Variants in SYN3 observed in about 807,000 individuals in gnomAD.
SYN3 encodes the protein synapsin-3.
A neutral mutation model predicts 65.8 loss-of-function variants in SYN3; 35 were observed. That is an observed-to-expected ratio of 0.53 (90% CI 0.41 to 0.70). The LOEUF (loss-of-function observed/expected upper bound fraction) is 0.70, where lower values mean the gene tolerates loss of function less well. Among genes scored for constraint, SYN3 ranks in the 30% least tolerant of loss-of-function variants. The probability of loss-of-function intolerance (pLI) is 0.00; values close to 1 mark genes in which losing one functional copy is unlikely to be tolerated. For missense variants in SYN3, 680 were observed against 749.0 expected (o/e 0.91, Z 1.08); for synonymous variants, 270 against 292.9 (o/e 0.92, Z 0.80).
intron 4 of SYN3, among the ~76,000 whole-genome samples, chr22:32,912,181 T>C (rs929884796): frequency 1.3e-5 from 2 of 152,200 alleles, no homozygotes; most frequent in African/African-American, 4.8e-5. Flanking sequence ...AGACTGATAG[T>C]TGCCCGCAGA....
chr22:32,816,997 C>T (rs761541266), intron 6 of SYN3, among the ~76,000 whole-genome samples: 1 of 151,498 alleles, frequency 6.6e-6, no homozygotes, highest in South Asian at 2.1e-4. Flanking sequence ...GCGAGAGGAT[C>T]GCTTGAGCCC....
intron 6 of SYN3, among the ~76,000 whole-genome samples, chr22:32,627,255 G>A (rs979941693): frequency 2.0e-5 from 3 of 152,162 alleles, no homozygotes. Context: ...AGGAAGGGCT[G>A]CGTTTTTTAA....
At chr22:33,038,816 A>C (rs971029699) in intron 1 of SYN3, among the ~76,000 whole-genome samples, 4 of 152,272 alleles carry the variant, frequency 2.6e-5, no homozygotes, top group Admixed American at 6.5e-5. Context: ...TCGCACCCCT[A>C]AACTGTGCCA....
chr22:32,693,317 GT>G (rs2060691790), intron 6 of SYN3, among the ~76,000 whole-genome samples: 1 of 152,218 alleles, frequency 6.6e-6, no homozygotes, highest in Non-Finnish European at 1.5e-5. Context: ...GGCAGGTAGT[GT>G]AGAGAGCGTG....
At chr22:32,642,723 C>T (rs1209454693) in intron 6 of SYN3, among the ~76,000 whole-genome samples, 3 of 152,062 alleles carry the variant, frequency 2.0e-5, no homozygotes, top group African/African-American at 7.2e-5. Context: ...CCACCGTACC[C>T]GGCCTTATTT....
intron 6 of SYN3, among the ~76,000 whole-genome samples, chr22:32,731,127 T>C (rs2061265245): frequency 2.0e-5 from 3 of 152,200 alleles, no homozygotes; most frequent in Admixed American, 2.0e-4. Flanking sequence ...GCATCCCTAG[T>C]GCTCAGCCCA....
intron 4 of SYN3, among the ~76,000 whole-genome samples, chr22:32,928,423 T>C (rs574650942): frequency 1.5e-4 from 23 of 152,350 alleles, no homozygotes; most frequent in African/African-American, 5.5e-4. Context: ...ATCAGAGCAC[T>C]TACATTAGCC....
intron 6 of SYN3, among the ~76,000 whole-genome samples, chr22:32,663,939 C>CT (rs34650632): frequency 0.26 from 39,212 of 151,972 alleles, 7,251 homozygotes; most frequent in East Asian, 0.7. Context: ...ATTCCCCCCC[C>CT]ACACTGCACA....
chr22:32,515,802 A>ATT (rs1189814611), intron 13 of SYN3, among the ~76,000 whole-genome samples: 1 of 145,466 alleles, frequency 6.9e-6, no homozygotes, highest in Non-Finnish European at 1.5e-5. Flanking sequence ...GTGCTCCAGG[A>ATT]TTTTTTTTTT....
intron 6 of SYN3, among the ~76,000 whole-genome samples, chr22:32,677,510 C>T (rs1006853605): frequency 6.6e-6 from 1 of 151,968 alleles, no homozygotes; most frequent in South Asian, 2.1e-4. Flanking sequence ...CAAAATGACA[C>T]AAGATTGACT....
chr22:32,759,560 C>T (rs992042716), intron 6 of SYN3, among the ~76,000 whole-genome samples: 1 of 152,032 alleles, frequency 6.6e-6, no homozygotes, highest in Non-Finnish European at 1.5e-5. Flanking sequence ...TTCTGAGACC[C>T]TTGTCTTGAC....
At chr22:32,770,140 A>C (rs1372753068) in intron 6 of SYN3, among the ~76,000 whole-genome samples, 1 of 151,882 alleles carries the variant, frequency 6.6e-6, no homozygotes, top group Non-Finnish European at 1.5e-5. Flanking sequence ...TTTCTCTTGC[A>C]CTCCACATCC....
chr22:32,569,457 T>G (rs2058722947), intron 7 of SYN3, among the ~76,000 whole-genome samples: 1 of 151,218 alleles, frequency 6.6e-6, no homozygotes, highest in Non-Finnish European at 1.5e-5. Flanking sequence ...CTTCTCTATC[T>G]ATCTAAAATC....
intron 6 of SYN3, among the ~76,000 whole-genome samples, chr22:32,686,036 T>C (rs997443342): frequency 1.3e-5 from 2 of 152,212 alleles, no homozygotes; most frequent in Non-Finnish European, 2.9e-5. Context: ...CACACCCCAA[T>C]TTCATGGCGA....
intron 3 of SYN3, among the ~76,000 whole-genome samples, chr22:32,959,213 C>T (rs1011523195): frequency 2.0e-5 from 3 of 151,912 alleles, no homozygotes; most frequent in Admixed American, 6.6e-5. Flanking sequence ...CAGGGGTTTC[C>T]GCTTTTGCAT....
chr22:32,590,141 C>T (rs2059108174), intron 7 of SYN3, among the ~76,000 whole-genome samples: 2 of 152,222 alleles, frequency 1.3e-5, no homozygotes, highest in African/African-American at 2.4e-5. Context: ...ATCTCCATGA[C>T]TATCCCTTCC....
chr22:32,532,758 C>A (rs985138900), intron 10 of SYN3, among the ~76,000 whole-genome samples: 1 of 152,176 alleles, frequency 6.6e-6, no homozygotes, highest in Admixed American at 6.5e-5. Context: ...CCTGTGGTCA[C>A]CCCAGCCATG....
Position 33,028,643 on chromosome 22 carries a change from A to ATGGTGGTGGTGGTGGTGGTGG in SYN3, c.-162-21840_-162-21820dup, listed in dbSNP as rs133971. Among the ~76,000 whole-genome samples, 219 of 93,122 alleles carry ATGGTGGTGGTGGTGGTGGTGG rather than the reference A, an allele frequency of 2.4e-3. 2 individuals carry two copies. The highest frequency in any genetic ancestry group is 5.1e-3 in the East Asian group (13 of 2,526). 61.1% of individuals were successfully genotyped at this position (93,122 alleles called of 152,430 possible). On this transcript the variant is annotated intron_variant, in intron 1 of 13. Coordinates refer to ENST00000358763, the MANE Select transcript of SYN3 (RefSeq NM_003490.4). Reference sequence around the variant, plus strand: ...ACTAGGAAGTATAATAAGAACCATGATGGTGGTGGTGGTGGTGGTGGTGGT... The same window carrying ATGGTGGTGGTGGTGGTGGTGG: ...ACTAGGAAGTATAATAAGAACCATGATGGTGGTGGTGGTGGTGGTGGTGGTGGTGGTGGTGGTGGTGGTGGT...
intron 7 of SYN3, among the ~76,000 whole-genome samples, chr22:32,572,284 TCCC>T (rs2058773493): frequency 7.6e-5 from 4 of 52,536 alleles, no homozygotes; most frequent in South Asian, 9.7e-4. Context: ...CCTCCCTCCC[TCCC>T]TCCTTCCTTC....
Sources: allele counts gnomAD v4.1 joint callset (sites outside exome capture counted in the v4.1 genomes callset), GRCh38; gene constraint gnomAD v4.1.1; transcripts MANE v1.5; gene names NCBI Gene and HGNC (gene_info 2026-07-23, HGNC 2026-07-21).